KCNU1: variants seen among roughly 807,000 people sequenced by gnomAD.
The protein encoded by KCNU1 is potassium channel subfamily U member 1.
In KCNU1, 93 loss-of-function variants were observed where a neutral mutation model predicts 126.8. The ratio of observed to expected loss-of-function variants is 0.73; its 90% CI spans 0.62 to 0.87. KCNU1 has a LOEUF of 0.87. Ranked by LOEUF, KCNU1 falls within the 40% of genes least tolerant of loss-of-function variation. The probability of loss-of-function intolerance (pLI) is 0.00; values close to 1 mark genes in which losing one functional copy is unlikely to be tolerated. For synonymous variants in KCNU1, 523 were observed against 494.2 expected (o/e 1.06, Z -0.77); for missense variants, 1,330 against 1,367.1 (o/e 0.97, Z 0.43).
intron 19 of KCNU1, among the ~76,000 whole-genome samples, chr8:36,895,306 TG>T (rs1418989370): frequency 6.6e-6 from 1 of 152,052 alleles, no homozygotes; most frequent in Non-Finnish European, 1.5e-5. Flanking sequence ...CTCAAACACC[TG>T]GCCTTAAGTA....
chr8:36,801,083 G>T (rs1261716703), intron 2 of KCNU1, among the ~76,000 whole-genome samples: 4 of 152,196 alleles, frequency 2.6e-5, no homozygotes, highest in Non-Finnish European at 4.4e-5. Flanking sequence ...TGTAGACATT[G>T]TGGTGCCTTG....
Position 36,905,532 on chromosome 8 carries a change from G to T in KCNU1, c.2010-176G>T, listed in dbSNP as rs1044968603. Among the ~76,000 whole-genome samples the T allele has an allele frequency of 2.0e-5, 3 of 150,960 alleles. No individual in the cohort carries two copies. In the South Asian group the frequency reaches 6.3e-4, roughly 32 times the overall value. The stretch of plus-strand genomic sequence containing the variant: ...AGTGTCTTCAACTATGATACAGTCT[G>T]GGCTCTTTGTGCTCTTCAGACCTAA... On this transcript the variant is annotated intron_variant, in intron 19 of 26. Transcript: ENST00000399881.
chr8:36,932,484 C>A (rs541088402), intron 25 of KCNU1, among the ~76,000 whole-genome samples: 1 of 151,946 alleles, frequency 6.6e-6, no homozygotes, highest in Non-Finnish European at 1.5e-5. Flanking sequence ...GGCTATAGCC[C>A]GAGAATAAGG....
At chr8:36,828,922 A>G (rs559451475) in intron 10 of KCNU1, among the ~76,000 whole-genome samples, 2 of 152,190 alleles carry the variant, frequency 1.3e-5, no homozygotes, top group African/African-American at 4.8e-5. Flanking sequence ...ATTCTTTCCA[A>G]CAACTGGTAT....
At chr8:36,885,327 G>C (rs546291098) in intron 19 of KCNU1, among the ~76,000 whole-genome samples, 3 of 152,150 alleles carry the variant, frequency 2.0e-5, no homozygotes, top group African/African-American at 7.2e-5. Context: ...GGCCGAGGCG[G>C]GCAGATCCCC....
At chr8:36,873,621 G>A (rs968782780) in intron 19 of KCNU1, among the ~76,000 whole-genome samples, 2 of 152,126 alleles carry the variant, frequency 1.3e-5, no homozygotes, top group Non-Finnish European at 2.9e-5. Context: ...CTCCTTGAAC[G>A]CCCTTTTCTC....
intron 8 of KCNU1, among the ~76,000 whole-genome samples, chr8:36,815,023 C>T (rs572479309): frequency 3.9e-4 from 59 of 151,884 alleles, no homozygotes; most frequent in African/African-American, 1.3e-3. Context: ...CAGAGTGAGA[C>T]GGGAAGTTAG....
chr8:36,831,633 G>C lies in KCNU1; in HGVS notation c.1107-1921G>C, dbSNP rs533365590. On this transcript the variant is annotated intron_variant, in intron 10 of 26. Transcript: ENST00000399881. ...TTGTTTTTTTCTTGTAAATTTGTTT[G>C]AGTTCATTGTAGATTCTGGATATTA... is the stretch of plus-strand genomic sequence containing the variant. Among the ~76,000 whole-genome samples the C allele has an allele frequency of 4.7e-3, 692 of 146,772 alleles. 8 individuals carry two copies. The highest frequency in any genetic ancestry group is 0.017 in the African/African-American group (655 of 39,322).
chr8:36,910,337 G>A (rs543209539), intron 21 of KCNU1, among the ~76,000 whole-genome samples: 2 of 152,226 alleles, frequency 1.3e-5, no homozygotes, highest in South Asian at 2.1e-4. Context: ...AAGTTTCCCT[G>A]TACTACCGCT....
rs142143084 is a variant in KCNU1, at chr8:36,830,271, G to A, written c.1107-3283G>A. 4.3e-3 allele frequency among the ~76,000 whole-genome samples: 651 copies of A among 151,550 alleles called. 7 individuals carry two copies. The highest frequency in any genetic ancestry group is 0.015 in the African/African-American group (613 of 41,466). ...TATAACGTTGAAAAAGAGCAGTGAT[G>A]ATATCTTTTCTTTACTTCTCATTTT... On this transcript the variant is annotated intron_variant, in intron 10 of 26. Coordinates refer to ENST00000399881, the MANE Select transcript of KCNU1 (RefSeq NM_001031836.3).
Position 36,817,734 on chromosome 8 carries a change from C to A in KCNU1, c.1080C>A (p.Ile360=). ...TCCTCCGCGACAAGTCAGGAGAGAT[C>A]AACACTGAAATTGTTTTCCTGGGAG... The part of the protein sequence containing the change: ...RNFLRDKSGE[I]NTEIVFLGET... Residue 360 remains isoleucine, a synonymous_variant, in exon 10 of 27, where the codon ATC becomes ATA. Coordinates refer to ENST00000399881, the MANE Select transcript of KCNU1 (RefSeq NM_001031836.3). 6.2e-7 allele frequency: 1 copy of A among 1,604,852 alleles called. No individual in the cohort carries two copies. Among genetic ancestry groups the A allele is most frequent in the Non-Finnish European group, 8.5e-7 (1 of 1,171,736 alleles).
At chr8:36,817,523 AAATC>A in intron 9 of KCNU1, 123 bp from the exon 10 acceptor site, 6 of 486,082 alleles carry the variant, frequency 1.2e-5, no homozygotes, top group Non-Finnish European at 2.2e-5. Flanking sequence ...AAAAAAAAAA[AAATC>A]TGGGTGATGC....
rs552698893 is a variant in KCNU1 at position 36,857,314 on chromosome 8, C to T, written c.1892-7090C>T. Among the ~76,000 whole-genome samples the T allele has an allele frequency of 6.6e-5, 10 of 152,284 alleles. No homozygotes were observed. In the East Asian group the frequency reaches 1.2e-3, roughly 18 times the overall value. ...TGTGAAGAGTAAGACAGTCTCTATC[C>T]TCTAGGCTACACTCACCTGAAACTT... On this transcript the variant is annotated intron_variant, in intron 18 of 26. Transcript: ENST00000399881.
At chr8:36,917,893 G>T (rs1345218324) in intron 22 of KCNU1, among the ~76,000 whole-genome samples, 1 of 152,086 alleles carries the variant, frequency 6.6e-6, no homozygotes, top group South Asian at 2.1e-4. Context: ...TGACATCCCA[G>T]CTCAGGCTTT....
At chr8:36,853,778 G>T (rs1805435065) in intron 18 of KCNU1, among the ~76,000 whole-genome samples, 1 of 152,024 alleles carries the variant, frequency 6.6e-6, no homozygotes, top group African/African-American at 2.4e-5. Flanking sequence ...TTGGTTTATA[G>T]GGTCGGTTAA....
At chr8:36,840,874 T>C (rs1804924696) in intron 15 of KCNU1, 58 bp from the exon 16 acceptor site, 2 of 1,156,822 alleles carry the variant, frequency 1.7e-6, no homozygotes, top group South Asian at 2.5e-5. Flanking sequence ...AGAGTGTTAG[T>C]TATTTTGTTG....
rs1404383238 is a variant in KCNU1 at position 36,845,788 on chromosome 8, C to A, written c.1794-14C>A. 1 of 1,588,800 alleles carries A rather than the reference C, an allele frequency of 6.3e-7. No individual in the cohort carries two copies. Among genetic ancestry groups the A allele is most frequent in the Admixed American group, 1.7e-5 (1 of 59,326 alleles). On this transcript the variant is annotated splice_polypyrimidine_tract_variant and intron_variant, in intron 17 of 26. Coordinates refer to ENST00000399881, the MANE Select transcript of KCNU1 (RefSeq NM_001031836.3). ...ACTCACATAATTCATTCTTGGTTTTCTTTCATTGTCCAGAGCCTTGTTTTA... is the reference window on the plus strand; with the variant it reads ...ACTCACATAATTCATTCTTGGTTTTATTTCATTGTCCAGAGCCTTGTTTTA...
chr8:36,852,551 G>A (rs899608509), intron 18 of KCNU1, among the ~76,000 whole-genome samples: 8 of 151,830 alleles, frequency 5.3e-5, no homozygotes, highest in Admixed American at 2.6e-4. Flanking sequence ...AAGTTTTTCA[G>A]GTTTTCTACT....
At chr8:36,882,931 A>G (rs368845059) in intron 19 of KCNU1, among the ~76,000 whole-genome samples, 1 of 152,132 alleles carries the variant, frequency 6.6e-6, no homozygotes, top group African/African-American at 2.4e-5. Flanking sequence ...TAAAATATGC[A>G]TTTCTCTTTT....
Sources: allele counts gnomAD v4.1 joint callset (sites outside exome capture counted in the v4.1 genomes callset), GRCh38; gene constraint gnomAD v4.1.1; transcripts MANE v1.5; gene names NCBI Gene and HGNC (gene_info 2026-07-23, HGNC 2026-07-21).